DNM1L: variants seen among roughly 807,000 people sequenced by gnomAD.
DNM1L encodes dynamin 1L, also known as dynamin-1-like protein.
In DNM1L, 33 loss-of-function variants were observed where a neutral mutation model predicts 92.8. The observed-to-expected ratio is 0.36, with a 90% CI of 0.27 to 0.48. The LOEUF (loss-of-function observed/expected upper bound fraction) is 0.48. DNM1L is among the 20% of genes least tolerant of loss of function. The probability of loss-of-function intolerance (pLI) is 0.99; values close to 1 mark genes in which losing one functional copy is unlikely to be tolerated. For synonymous variants in DNM1L, 284 were observed against 305.0 expected (o/e 0.93, Z 0.72); for missense variants, 485 against 888.8 (o/e 0.55, Z 5.78).
chr12:32,719,677 T>C lies in DNM1L; in HGVS notation c.740+914T>C, dbSNP rs571687789. 2.3e-4 allele frequency among the ~76,000 whole-genome samples: 35 copies of C among 152,316 alleles called. No homozygotes were observed. In the East Asian group the frequency reaches 6.4e-3, roughly 28 times the overall value. Reference sequence around the variant, plus strand: ...TGACTTGGAGAAATTTTATTAAAGGTATCCTAATTATAAATAGTTGGTATT... The same window carrying C: ...TGACTTGGAGAAATTTTATTAAAGGCATCCTAATTATAAATAGTTGGTATT... On this transcript the variant is annotated intron_variant, in intron 7 of 19. Coordinates refer to ENST00000549701, the MANE Select transcript of DNM1L (RefSeq NM_012062.5).
chr12:32,710,974 G>A lies in DNM1L; in HGVS notation c.415G>A (p.Val139Ile), dbSNP rs150170255. ...PIHLKIFSPN[V>I]VNLTLVDLPG... Reference sequence around the variant, plus strand: ...TCATCTTAAGATTTTTTCACCCAACGTTGTCAATTTGACACTTGTGGATTT... The same window carrying A: ...TCATCTTAAGATTTTTTCACCCAACATTGTCAATTTGACACTTGTGGATTT... The change falls in exon 5 of 20, where the codon GTT becomes ATT. Residue 139 changes from valine (V) to isoleucine (I), a missense_variant. Physicochemically the swap from Val to Ile is conservative, Grantham distance 29 (BLOSUM62 3). This residue lies in a region of DNM1L where 159 missense variants were observed against 275.9 expected (regional missense o/e 0.58). Coordinates refer to ENST00000549701, the MANE Select transcript of DNM1L (RefSeq NM_012062.5). 2.5e-4 allele frequency: 401 copies of A among 1,613,860 alleles called. No homozygotes were observed. The highest frequency in any genetic ancestry group is 2.7e-4 in the Non-Finnish European group (313 of 1,179,902).
At chr12:32,708,690 T>C (rs1359051555) in intron 4 of DNM1L, among the ~76,000 whole-genome samples, 1 of 152,104 alleles carries the variant, frequency 6.6e-6, no homozygotes, top group Non-Finnish European at 1.5e-5. Context: ...GAATTTTTTT[T>C]TCTTTTTTTT....
chr12:32,722,089 G>A (rs1953836818), intron 8 of DNM1L, among the ~76,000 whole-genome samples: 1 of 152,090 alleles, frequency 6.6e-6, no homozygotes, highest in Admixed American at 6.5e-5. Context: ...AGCTTCATTG[G>A]CCATTGGTGA....
intron 18 of DNM1L, among the ~76,000 whole-genome samples, chr12:32,741,433 G>A (rs560664995): frequency 6.6e-6 from 1 of 152,238 alleles, no homozygotes; most frequent in Non-Finnish European, 1.5e-5. Flanking sequence ...TAACAGGTGT[G>A]CACCACCATG....
At chr12:32,722,766 G>T (rs2137447080) in intron 9 of DNM1L, 133 bp downstream of exon 9, 2 of 689,022 alleles carry the variant, frequency 2.9e-6, no homozygotes, top group East Asian at 5.5e-5. Context: ...ACTTTGTAGA[G>T]ATAATAGGAT....
chr12:32,689,397 A>G (rs1215508607), intron 1 of DNM1L, among the ~76,000 whole-genome samples: 1 of 151,940 alleles, frequency 6.6e-6, no homozygotes, highest in East Asian at 1.9e-4. Context: ...AGGTTTCTCC[A>G]TGTTAGTCAG....
At chr12:32,718,607 C>G in intron 6 of DNM1L, 36 bp from the exon 7 acceptor site, 1 of 1,612,520 alleles carries the variant, frequency 6.2e-7, no homozygotes, top group South Asian at 1.1e-5. Flanking sequence ...CATTTTCTTT[C>G]TTTTCTTTGC....
At chr12:32,695,572 A>T (rs897341977) in intron 1 of DNM1L, among the ~76,000 whole-genome samples, 30 of 152,152 alleles carry the variant, frequency 2.0e-4, no homozygotes, top group African/African-American at 6.5e-4. Context: ...GGAATTTGAG[A>T]CCAGCCTGGG....
chr12:32,689,706 A>C (rs1952161427), intron 1 of DNM1L, among the ~76,000 whole-genome samples: 1 of 152,362 alleles, frequency 6.6e-6, no homozygotes, highest in Middle Eastern at 3.4e-3. Flanking sequence ...ATTAAAACTT[A>C]GAAGTTGAAT....
At chr12:32,707,061 A>T (rs1952955650) in intron 2 of DNM1L, 1 of 272,922 alleles carries the variant, frequency 3.7e-6, no homozygotes, top group Non-Finnish European at 6.9e-6. Flanking sequence ...ACAAAAAAAT[A>T]TGAAGAGAAA....
At chr12:32,740,298 C>G (rs145982115) in intron 17 of DNM1L, 58 bp downstream of exon 17, 7 of 1,612,190 alleles carry the variant, frequency 4.3e-6, no homozygotes, top group Middle Eastern at 1.6e-4. Flanking sequence ...AGTAGGAAAA[C>G]GATTAGACAG....
At chr12:32,725,409 A>G (rs1954066524) in intron 9 of DNM1L, 1 of 152,180 alleles carries the variant, frequency 6.6e-6, no homozygotes, top group African/African-American at 2.4e-5. Context: ...GTTAAATTTA[A>G]AAGTACAGTG....
Position 32,701,507 on chromosome 12 carries a change from G to C in DNM1L, c.195G>C (p.Leu65=), listed in dbSNP as rs759112390. The C allele has an allele frequency of 1.2e-6, 2 of 1,613,910 alleles. No homozygotes were observed. Among genetic ancestry groups the C allele is most frequent in the Non-Finnish European group, 1.7e-6 (2 of 1,179,898 alleles). ...TGIVTRRPLI[L]QLVHVSQEDK... ...TTGTCACCCGGAGACCTCTCATTCT[G>C]CAACTGGTCCATGTTTCACAAGAAG... The change falls in exon 2 of 20, where the codon CTG becomes CTC. Residue 65 remains leucine (L), a synonymous_variant. Transcript: ENST00000549701.
Position 32,700,607 on chromosome 12 carries a change from T to C in DNM1L, c.103-808T>C, listed in dbSNP as rs141282517. Among the ~76,000 whole-genome samples, 35 of 152,042 alleles carry C rather than the reference T, an allele frequency of 2.3e-4. No homozygotes were observed. The East Asian group carries it at 4.5e-3, about 20-fold the overall frequency. Reference sequence around the variant, plus strand: ...ACAAAATACAAAAATTAGCCAGGTATAGTAGCGCGTGCCTGTAGTCTCAGC... The same window carrying C: ...ACAAAATACAAAAATTAGCCAGGTACAGTAGCGCGTGCCTGTAGTCTCAGC... On this transcript the variant is annotated intron_variant, in intron 1 of 19. Transcript: ENST00000549701.
At chr12:32,679,659 A>G in intron 1 of DNM1L, 194 bp downstream of exon 1, 1 of 1,282,238 alleles carries the variant, frequency 7.8e-7, no homozygotes, top group Non-Finnish European at 9.8e-7. Flanking sequence ...GCGTTGCATC[A>G]AGGCGGAGAA....
At chr12:32,697,060 C>A (rs533590919) in intron 1 of DNM1L, among the ~76,000 whole-genome samples, 2 of 151,488 alleles carry the variant, frequency 1.3e-5, no homozygotes, top group South Asian at 4.2e-4. Flanking sequence ...GAAACCCCGT[C>A]TCTACTAAAA....
intron 1 of DNM1L, among the ~76,000 whole-genome samples, chr12:32,688,070 G>A (rs748547068): frequency 1.1e-4 from 16 of 152,034 alleles, no homozygotes; most frequent in African/African-American, 3.1e-4. Context: ...GATTACAGGT[G>A]CCCACCACCA....
chr12:32,684,495 T>TTTTG (rs1951920076), intron 1 of DNM1L, among the ~76,000 whole-genome samples: 1 of 152,040 alleles, frequency 6.6e-6, no homozygotes, highest in African/African-American at 2.4e-5. Flanking sequence ...TTTTCTTTTT[T>TTTTG]GAGACAGAGT....
intron 1 of DNM1L, among the ~76,000 whole-genome samples, chr12:32,682,320 C>G (rs1951839458): frequency 1.3e-5 from 2 of 152,090 alleles, no homozygotes; most frequent in African/African-American, 4.8e-5. Context: ...TTAGTAGAGA[C>G]AGAGTTTCTC....
Sources: allele counts gnomAD v4.1 joint callset (sites outside exome capture counted in the v4.1 genomes callset), GRCh38; gene constraint gnomAD v4.1.1; regional missense constraint gnomAD v4.1.1; transcripts MANE v1.5; gene names NCBI Gene and HGNC (gene_info 2026-07-23, HGNC 2026-07-21).